Variants in TUBA4B observed in about 807,000 individuals in gnomAD.
TUBA4B encodes the protein tubulin-like protein alpha-4B.
A neutral mutation model predicts 18.4 loss-of-function variants in TUBA4B; 13 were observed. The ratio of observed to expected loss-of-function variants is 0.71; its 90% confidence interval spans 0.46 to 1.12. The LOEUF is 1.12. TUBA4B is among the 50% of genes most tolerant of loss of function. The pLI, the probability that TUBA4B is intolerant of heterozygous loss-of-function variation, is 0.00. For synonymous variants in TUBA4B, 101 were observed against 99.1 expected (o/e 1.02, Z -0.11); for missense variants, 244 against 250.0 (o/e 0.98, Z 0.16).
In TUBA4B at chr2:219,266,586, G is replaced by C. The variant is rs192657625; in HGVS notation, c.58+20G>C. 1 of 702,866 alleles carries C rather than the reference G, an allele frequency of 1.4e-6. No homozygotes were observed. The highest frequency in any genetic ancestry group is 2.6e-6 in the Non-Finnish European group (1 of 384,912). The allele number at this position is 702,866 out of a possible 1,614,324, so 43.5% of individuals were successfully genotyped here. A position where few individuals can be genotyped will look rare whatever the true frequency, so the allele number is the denominator to read the frequency against. ...AGCATGGTGAGTAGAAGGGGCCTTGGGGGGACTGAGCATGCAAGTGAGGGT... is the reference window on the plus strand; with the variant it reads ...AGCATGGTGAGTAGAAGGGGCCTTGCGGGGACTGAGCATGCAAGTGAGGGT... On this transcript the variant is annotated intron_variant, in intron 2 of 3. Coordinates refer to ENST00000490341, the MANE Select transcript of TUBA4B (RefSeq NM_001355221.1).
In TUBA4B at chr2:219,253,361, G is replaced by GC; in HGVS notation, c.-47_-46insC. Reference sequence around the variant, plus strand: ...ACGCGGGGTGCTGAGTCACGGGGGGGGGGTGGTTCTGTGGATAGTTGGAAT... The same window carrying GC: ...ACGCGGGGTGCTGAGTCACGGGGGGGCGGGTGGTTCTGTGGATAGTTGGAAT... On this transcript the variant is annotated 5_prime_UTR_variant, in exon 1 of 4. Coordinates refer to ENST00000490341, the MANE Select transcript of TUBA4B (RefSeq NM_001355221.1). 1 of 1,534,134 alleles carries GC rather than the reference G, an allele frequency of 6.5e-7. No homozygotes were observed. Among genetic ancestry groups the GC allele is most frequent in the African/African-American group, 1.4e-5 (1 of 72,436 alleles).
chr2:219,270,386 T>C, intron 3 of TUBA4B, 51 bp downstream of exon 3: 2 of 702,120 alleles, frequency 2.8e-6, no homozygotes, highest in Non-Finnish European at 5.2e-6. Flanking sequence ...TGGATTCCTG[T>C]TGTGAGGTAG....
intron 1 of TUBA4B, among the ~76,000 whole-genome samples, chr2:219,265,867 A>G (rs760640059): frequency 2.0e-5 from 3 of 152,202 alleles, no homozygotes; most frequent in Non-Finnish European, 4.4e-5. Context: ...TGGACTAAGC[A>G]CTTAAGAAAG....
intron 1 of TUBA4B, among the ~76,000 whole-genome samples, chr2:219,258,488 T>C (rs1282651217): frequency 7.6e-6 from 1 of 131,180 alleles, no homozygotes; most frequent in African/African-American, 3.2e-5. Flanking sequence ...GCCTGGCTAG[T>C]TTTTTTTTTT....
At chr2:219,254,146 C>G (rs1003663122) in intron 1 of TUBA4B, 4 of 363,752 alleles carry the variant, frequency 1.1e-5, no homozygotes, top group Non-Finnish European at 2.0e-5. Context: ...ATTCTTTCCT[C>G]GTTTTGAGCA....
chr2:219,259,171 T>TAAA (rs1274562569), intron 1 of TUBA4B, among the ~76,000 whole-genome samples: 1 of 141,834 alleles, frequency 7.1e-6, no homozygotes, highest in African/African-American at 2.6e-5. Flanking sequence ...AATAAATAAA[T>TAAA]TATCCGGGCA....
In TUBA4B at chr2:219,253,358, G is replaced by T. The variant is rs563727011; in HGVS notation, c.-50G>T. On this transcript the variant is annotated 5_prime_UTR_variant, in exon 1 of 4. Coordinates refer to ENST00000490341, the MANE Select transcript of TUBA4B (RefSeq NM_001355221.1). ...CAGACGCGGGGTGCTGAGTCACGGGGGGGGGGTGGTTCTGTGGATAGTTGG... is the reference window on the plus strand; with the variant it reads ...CAGACGCGGGGTGCTGAGTCACGGGTGGGGGGTGGTTCTGTGGATAGTTGG... 17 of 1,528,028 alleles carry T rather than the reference G, an allele frequency of 1.1e-5. No individual in the cohort carries two copies. The highest frequency in any genetic ancestry group is 2.8e-5 in the African/African-American group (2 of 72,234). 94.7% of individuals were successfully genotyped at this position (1,528,028 alleles called of 1,614,324 possible).
intron 1 of TUBA4B, among the ~76,000 whole-genome samples, chr2:219,257,364 G>A (rs1951727971): frequency 9.2e-6 from 1 of 109,064 alleles, no homozygotes; most frequent in Non-Finnish European, 2.0e-5. Context: ...TTTTTTTTGA[G>A]GCAGGATCTT....
intron 1 of TUBA4B, among the ~76,000 whole-genome samples, chr2:219,261,652 C>A (rs1167670192): frequency 6.6e-6 from 1 of 152,232 alleles, no homozygotes; most frequent in African/African-American, 2.4e-5. Context: ...TCTCACCACC[C>A]CCTACTACCA....
Position 219,253,829 on chromosome 2 carries a change from G to T in TUBA4B, c.12+410G>T, listed in dbSNP as rs756343879. ...AAGGAGAGGGGCAATTAGGGGACAG[G>T]CGCGACCCCGGCCGGGCCGCACTCA... On this transcript the variant is annotated intron_variant, in intron 1 of 3. Coordinates refer to ENST00000490341, the MANE Select transcript of TUBA4B (RefSeq NM_001355221.1). 3.3e-6 allele frequency: 5 copies of T among 1,521,818 alleles called. No homozygotes were observed. The Admixed American group carries it at 7.0e-5, about 21-fold the overall frequency. 94.3% of individuals were successfully genotyped at this position (1,521,818 alleles called of 1,614,324 possible). A position where few individuals can be genotyped will look rare whatever the true frequency, so the allele number is the denominator to read the frequency against.
At chr2:219,266,371 TC>T (rs1951789536) in intron 1 of TUBA4B, 149 bp from the exon 2 acceptor site, 1 of 603,972 alleles carries the variant, frequency 1.7e-6, no homozygotes, top group Non-Finnish European at 3.0e-6. Context: ...AGAGCTTGCC[TC>T]GTACTCTGTG....
At chr2:219,261,326 C>G (rs377710072) in intron 1 of TUBA4B, among the ~76,000 whole-genome samples, 12 of 152,300 alleles carry the variant, frequency 7.9e-5, no homozygotes, top group African/African-American at 2.9e-4. Flanking sequence ...GGGGCTTCCT[C>G]CCACATCTGT....
At chr2:219,263,044 AC>A (rs113178793) in intron 1 of TUBA4B, among the ~76,000 whole-genome samples, 3 of 151,474 alleles carry the variant, frequency 2.0e-5, no homozygotes, top group East Asian at 1.9e-4. Flanking sequence ...TCCATTCCCC[AC>A]CCCCCAAAAA....
intron 2 of TUBA4B, among the ~76,000 whole-genome samples, chr2:219,268,105 CTTT>C (rs544596055): frequency 1.3e-3 from 158 of 118,718 alleles, no homozygotes; most frequent in African/African-American, 4.9e-3. Flanking sequence ...AACTCATTAT[CTTT>C]TTTTTTTTTT....
chr2:219,263,064 C>T lies in TUBA4B; in HGVS notation c.13-3457C>T, dbSNP rs542504540. ...TCCCCACCCCCCAAAAAAGCATAAA[C>T]TTTTGTGTTTATCACTGTATCCCTG... On this transcript the variant is annotated intron_variant, in intron 1 of 3. Transcript: ENST00000490341. Among the ~76,000 whole-genome samples, 4 of 152,196 alleles carry T rather than the reference C, an allele frequency of 2.6e-5. No individual in the cohort carries two copies. In the East Asian group the frequency reaches 7.7e-4, roughly 29 times the overall value.
chr2:219,266,691 G>A, intron 2 of TUBA4B, 125 bp downstream of exon 2: 14 of 633,946 alleles, frequency 2.2e-5, no homozygotes, highest in Non-Finnish European at 4.0e-5. Flanking sequence ...TGGCGAGGTG[G>A]GGAGAGGGAA....
chr2:219,270,224 T>C lies in TUBA4B; in HGVS notation c.81T>C (p.His27=). ...CAGGCACATACCGCCAGATCTTCCA[T>C]CCAGAGCAGCTCATCACAGGCAAGG... ...RQHGTYRQIF[H]PEQLITGKED... Residue 27 remains histidine, a synonymous_variant, in exon 3 of 4, where the codon CAT becomes CAC. Transcript: ENST00000490341. The C allele has an allele frequency of 1.3e-6, 1 of 763,188 alleles. No individual in the cohort carries two copies. Among genetic ancestry groups the C allele is most frequent in the Non-Finnish European group, 2.4e-6 (1 of 411,418 alleles). 47.3% of individuals were successfully genotyped at this position (763,188 alleles called of 1,614,324 possible). A position where few individuals can be genotyped will look rare whatever the true frequency, so the allele number is the denominator to read the frequency against.
At position 219,271,541 on chromosome 2, in the gene TUBA4B, G is replaced by C; in HGVS notation, c.568G>C (p.Asp190His). 6.2e-7 allele frequency: 1 copy of C among 1,614,146 alleles called. No homozygotes were observed. The highest frequency in any genetic ancestry group is 1.1e-5 in the South Asian group (1 of 91,080). Residue 190 changes from aspartate to histidine, a missense_variant, in exon 4 of 4, where the codon GAC (aspartate) becomes CAC (histidine). Physicochemically the swap from Asp to His is moderately conservative, Grantham distance 81. Coordinates refer to ENST00000490341, the MANE Select transcript of TUBA4B (RefSeq NM_001355221.1). ...SLRFDGALNVDLTEFQTNLVS... is the reference protein window; with the variant it reads ...SLRFDGALNVHLTEFQTNLVS... ...GCGCTTTGACGGGGCCCTCAATGTG[G>C]ACCTGACAGAGTTCCAGACCAACCT...
At chr2:219,270,017 C>T (rs776705643) in intron 2 of TUBA4B, among the ~76,000 whole-genome samples, 185 bp from the exon 3 acceptor site, 5 of 152,154 alleles carry the variant, frequency 3.3e-5, no homozygotes, top group African/African-American at 9.7e-5. Context: ...CTCCACATCC[C>T]TTTCCTTATT....
Sources: gnomAD v4.1 joint callset for allele counts (sites outside exome capture counted in the v4.1 genomes callset) on GRCh38, gnomAD v4.1.1 for gene constraint, MANE v1.5 for transcripts, NCBI Gene and HGNC (gene_info 2026-07-23, HGNC 2026-07-21) for gene names.